The following TMEM178A variants were observed in gnomAD, a reference collection of about 807,000 sequenced individuals.
The protein encoded by TMEM178A is transmembrane protein 178A.
Under a neutral mutation model 29.1 loss-of-function variants are expected in TMEM178A, and 12 were observed. That is an observed-to-expected ratio of 0.41 (90% CI 0.26 to 0.67). The LOEUF (loss-of-function observed/expected upper bound fraction) is 0.67, where lower values mean the gene tolerates loss of function less well. TMEM178A is among the 30% of genes least tolerant of loss of function. The pLI is 0.29. For missense variants in TMEM178A, 366 were observed against 419.1 expected (o/e 0.87, Z 1.11); for synonymous variants, 210 against 187.2 (o/e 1.12, Z -0.99).
intron 1 of TMEM178A, among the ~76,000 whole-genome samples, chr2:39,703,285 A>G (rs2540244): frequency 0.059 from 8,980 of 152,260 alleles, 934 homozygotes; most frequent in African/African-American, 0.21. Context: ...GACAGAGTAG[A>G]TACTTTTCAT....
intron 1 of TMEM178A, chr2:39,687,246 G>C (rs1053999315): frequency 3.6e-5 from 6 of 166,956 alleles, no homozygotes; most frequent in African/African-American, 1.4e-4. Context: ...TAGTTATTTG[G>C]ACTGTTTGAA....
downstream of TMEM178A, among the ~76,000 whole-genome samples, chr2:39,719,519 G>A (rs770057945): frequency 2.6e-5 from 4 of 152,226 alleles, no homozygotes; most frequent in East Asian, 1.9e-4. Flanking sequence ...CCAGGCCAAG[G>A]TTCCTCGCTT....
the TMEM178A span, among the ~76,000 whole-genome samples, chr2:39,732,746 C>T: frequency 5.3e-5 from 8 of 152,182 alleles, no homozygotes; most frequent in Non-Finnish European, 1.2e-4. Flanking sequence ...CATCAGATCT[C>T]CTGGGTCTCT....
chr2:39,666,076 C>T lies in TMEM178A; in HGVS notation c.102C>T (p.Thr34=). Residue 34 remains threonine (T), a synonymous_variant, in exon 1 of 4, where the codon ACC becomes ACT. Coordinates refer to ENST00000281961, the MANE Select transcript of TMEM178A (RefSeq NM_152390.3). ...TCTTCACCGACCACTGGTACGAGAC[C>T]GACCCCCGGCGCCACAAGGAGAGCT... ...TAIFTDHWYE[T]DPRRHKESCE... 5 of 1,569,368 alleles carry T rather than the reference C, an allele frequency of 3.2e-6. No individual in the cohort carries two copies. Among genetic ancestry groups the T allele is most frequent in the Non-Finnish European group, 4.3e-6 (5 of 1,161,418 alleles).
At chr2:39,704,999 T>A (rs894650024) in intron 2 of TMEM178A, among the ~76,000 whole-genome samples, 1 of 152,172 alleles carries the variant, frequency 6.6e-6, no homozygotes, top group African/African-American at 2.4e-5. Flanking sequence ...CTCAAACACA[T>A]AAATGGAAGC....
At chr2:39,728,950 T>A in the TMEM178A span, among the ~76,000 whole-genome samples, 2 of 151,844 alleles carry the variant, frequency 1.3e-5, no homozygotes, top group Non-Finnish European at 2.9e-5. Context: ...ATGCAAAACA[T>A]TTGGAGGGAC....
intron 1 of TMEM178A, among the ~76,000 whole-genome samples, chr2:39,683,284 C>T (rs1040554752): frequency 1.4e-4 from 21 of 152,176 alleles, no homozygotes; most frequent in Non-Finnish European, 7.3e-5. Flanking sequence ...AGTCTCACCT[C>T]ACCCATCCAG....
intron 1 of TMEM178A, among the ~76,000 whole-genome samples, chr2:39,692,621 C>T (rs1440765718): frequency 1.3e-5 from 2 of 151,986 alleles, no homozygotes; most frequent in African/African-American, 4.8e-5. Flanking sequence ...TTTACTTGTC[C>T]TGCCTATAAA....
At chr2:39,690,478 A>T (rs761515540) in intron 1 of TMEM178A, among the ~76,000 whole-genome samples, 25 of 152,164 alleles carry the variant, frequency 1.6e-4, no homozygotes, top group Non-Finnish European at 3.1e-4. Flanking sequence ...TGATTAAGTA[A>T]AGGCCAGTGT....
chr2:39,711,250 C>A (rs1374979095), intron 3 of TMEM178A, among the ~76,000 whole-genome samples: 1 of 152,160 alleles, frequency 6.6e-6, no homozygotes, highest in East Asian at 1.9e-4. Flanking sequence ...AATATTTCCA[C>A]CTACATTATT....
chr2:39,674,618 C>T (rs1670538848), intron 1 of TMEM178A, among the ~76,000 whole-genome samples: 1 of 152,146 alleles, frequency 6.6e-6, no homozygotes, highest in Non-Finnish European at 1.5e-5. Context: ...CACTAAAGGA[C>T]TTACTCATGT....
chr2:39,731,091 C>A, the TMEM178A span, among the ~76,000 whole-genome samples: 1 of 152,178 alleles, frequency 6.6e-6, no homozygotes, highest in Non-Finnish European at 1.5e-5. Context: ...AAAATAAGCT[C>A]TTTAGTGAGA....
intron 3 of TMEM178A, among the ~76,000 whole-genome samples, chr2:39,712,617 A>G (rs569142805): frequency 6.6e-6 from 1 of 152,128 alleles, no homozygotes; most frequent in East Asian, 1.9e-4. Context: ...CACTTTTTTG[A>G]AGATGCTGCC....
intron 1 of TMEM178A, among the ~76,000 whole-genome samples, chr2:39,672,669 T>G (rs1188213007): frequency 1.3e-5 from 2 of 152,076 alleles, no homozygotes; most frequent in Admixed American, 1.3e-4. Flanking sequence ...TAGCTGGGAC[T>G]ACAGGTGTGT....
intron 1 of TMEM178A, among the ~76,000 whole-genome samples, chr2:39,678,269 A>G (rs182140352): frequency 6.6e-6 from 1 of 152,318 alleles, no homozygotes; most frequent in Non-Finnish European, 1.5e-5. Flanking sequence ...TCAGACAAAA[A>G]CACTGTACAT....
intron 1 of TMEM178A, among the ~76,000 whole-genome samples, chr2:39,696,472 T>C (rs1244279917): frequency 1.3e-5 from 2 of 152,278 alleles, no homozygotes; most frequent in South Asian, 2.1e-4. Flanking sequence ...AAGTCCTGAA[T>C]TACCTCTTTC....
intron 1 of TMEM178A, among the ~76,000 whole-genome samples, chr2:39,678,717 A>G (rs1239955215): frequency 6.6e-6 from 1 of 152,210 alleles, no homozygotes; most frequent in Non-Finnish European, 1.5e-5. Context: ...ATCTCTGATA[A>G]TTTCCCACTG....
chr2:39,672,359 A>C (rs1309812501), intron 1 of TMEM178A, among the ~76,000 whole-genome samples: 2 of 152,168 alleles, frequency 1.3e-5, no homozygotes, highest in Non-Finnish European at 2.9e-5. Flanking sequence ...AATGGCCTTG[A>C]GGGGAAAAAA....
At chr2:39,732,132 G>A in the TMEM178A span, among the ~76,000 whole-genome samples, 1 of 152,156 alleles carries the variant, frequency 6.6e-6, no homozygotes. Context: ...CAGGAAAAGT[G>A]TATAATGTGG....
Sources: gnomAD v4.1 joint callset for allele counts (sites outside exome capture counted in the v4.1 genomes callset) on GRCh38, gnomAD v4.1.1 for gene constraint, MANE v1.5 for transcripts, NCBI Gene and HGNC (gene_info 2026-07-23, HGNC 2026-07-21) for gene names.